The following PACRG variants were observed in gnomAD, a reference collection of about 807,000 sequenced individuals.
PACRG encodes parkin coregulated.
PACRG carries 29 observed loss-of-function variants against 29.7 expected under a neutral mutation model. The observed-to-expected ratio is 0.98, with a 90% CI of 0.73 to 1.33. The LOEUF is 1.33. Ranked by LOEUF, PACRG falls within the 40% of genes most tolerant of loss-of-function variation. The pLI is 0.00. For synonymous variants in PACRG, 116 were observed against 118.7 expected (o/e 0.98, Z 0.15); for missense variants, 279 against 316.2 (o/e 0.88, Z 0.89).
At chr6:162,974,180 C>CACACATTTTCAG in intron 2 of PACRG, among the ~76,000 whole-genome samples, 2 of 152,194 alleles carry the variant, frequency 1.3e-5, no homozygotes, top group African/African-American at 4.8e-5. Context: ...TTCAACACAG[C>CACACATTTTCAG]TGTCCTTTCT....
At chr6:162,995,092 GC>G (rs1300185649) in intron 2 of PACRG, among the ~76,000 whole-genome samples, 1 of 151,096 alleles carries the variant, frequency 6.6e-6, no homozygotes, top group East Asian at 1.9e-4. Flanking sequence ...GAGGCAGTCC[GC>G]CCGTTCTCAG....
chr6:162,975,950 C>G (rs76838146), intron 2 of PACRG, among the ~76,000 whole-genome samples: 1,647 of 152,182 alleles, frequency 0.011, 20 homozygotes, highest in African/African-American at 0.037. Context: ...ATTTGCACAT[C>G]CAGTGAGGCG....
intron 1 of PACRG, among the ~76,000 whole-genome samples, chr6:162,774,578 A>G (rs1044019398): frequency 6.6e-6 from 1 of 152,184 alleles, no homozygotes; most frequent in Admixed American, 6.5e-5. Flanking sequence ...TATTAACAAG[A>G]TAATCATTTT....
At chr6:162,950,405 G>A (rs535727468) in intron 2 of PACRG, among the ~76,000 whole-genome samples, 1 of 152,288 alleles carries the variant, frequency 6.6e-6, no homozygotes, top group African/African-American at 2.4e-5. Flanking sequence ...CTACTTGGGA[G>A]GCTGAGGCAG....
At chr6:162,875,216 C>G (rs1202184564) in intron 2 of PACRG, among the ~76,000 whole-genome samples, 1 of 151,780 alleles carries the variant, frequency 6.6e-6, no homozygotes, top group African/African-American at 2.4e-5. Flanking sequence ...TTCACACACA[C>G]ACATGCACAC....
chr6:162,925,652 C>T (rs1296846440), intron 2 of PACRG, among the ~76,000 whole-genome samples: 1 of 152,042 alleles, frequency 6.6e-6, no homozygotes, highest in Non-Finnish European at 1.5e-5. Context: ...GTTGATAGAA[C>T]GTATCTCAAA....
intron 2 of PACRG, among the ~76,000 whole-genome samples, chr6:162,906,785 C>G (rs1248832188): frequency 6.6e-5 from 10 of 152,306 alleles, no homozygotes; most frequent in Admixed American, 5.2e-4. Context: ...ACATCCATTA[C>G]TAGCTTTCAT....
chr6:163,115,678 G>A (rs1815952723), intron 4 of PACRG, among the ~76,000 whole-genome samples: 1 of 152,166 alleles, frequency 6.6e-6, no homozygotes, highest in Non-Finnish European at 1.5e-5. Context: ...TGTGAAGTCA[G>A]CATGCATCTA....
chr6:162,989,653 T>G (rs902211183), intron 2 of PACRG, among the ~76,000 whole-genome samples: 11 of 151,868 alleles, frequency 7.2e-5, no homozygotes, highest in Admixed American at 2.0e-4. Flanking sequence ...ATGAATATTT[T>G]CAATCCTTGG....
At chr6:162,989,722 C>CTTT (rs66497763) in intron 2 of PACRG, among the ~76,000 whole-genome samples, 1 of 142,040 alleles carries the variant, frequency 7.0e-6, no homozygotes. Flanking sequence ...TCAGTACTTC[C>CTTT]TTTTTTTTTT....
intron 4 of PACRG, chr6:163,166,060 A>G (rs1159959642): frequency 4.4e-6 from 2 of 455,456 alleles, no homozygotes; most frequent in East Asian, 7.0e-5. Context: ...GTGTAATGAA[A>G]GACAGATGCA....
chr6:162,798,326 AT>A (rs1280570771), intron 1 of PACRG, among the ~76,000 whole-genome samples: 4 of 152,082 alleles, frequency 2.6e-5, no homozygotes, highest in Non-Finnish European at 5.9e-5. Flanking sequence ...ATTTATACTC[AT>A]TTTTGCAAAC....
intron 1 of PACRG, among the ~76,000 whole-genome samples, chr6:162,739,552 A>AC (rs1197165366): frequency 6.6e-6 from 1 of 152,142 alleles, no homozygotes; most frequent in Admixed American, 6.5e-5. Context: ...GTTTTTAAAA[A>AC]ATTTTTGTCG....
At chr6:163,177,609 T>A (rs1228296782) in intron 4 of PACRG, among the ~76,000 whole-genome samples, 1 of 148,930 alleles carries the variant, frequency 6.7e-6, no homozygotes, top group African/African-American at 2.5e-5. Context: ...AGGGCCAAGG[T>A]GTGGCCTGGG....
chr6:163,304,535 G>T (rs1785124065), intron 4 of PACRG, among the ~76,000 whole-genome samples: 1 of 152,150 alleles, frequency 6.6e-6, no homozygotes, highest in South Asian at 2.1e-4. Flanking sequence ...ATCTATTAAG[G>T]GTTTTAGAGT....
In PACRG at chr6:162,777,547, T is replaced by C. The variant is rs563300095; in HGVS notation, c.157-36600T>C. ...TTGGATTTGGTCATGGTGCTATTTA[T>C]TGTTATTATTAATTATTAGTTTTTT... On this transcript the variant is annotated intron_variant, in intron 1 of 4. Coordinates refer to ENST00000366888, the MANE Select transcript of PACRG (RefSeq NM_001080379.2). This position sits in a 1 kb window ranked among gnomAD's most constrained non-coding sequence, Gnocchi z 4.0. 5.3e-5 allele frequency among the ~76,000 whole-genome samples: 8 copies of C among 152,314 alleles called. No homozygotes were observed. In the South Asian group the frequency reaches 1.7e-3, roughly 32 times the overall value.
At chr6:163,107,709 T>C (rs186685933) in intron 4 of PACRG, among the ~76,000 whole-genome samples, 38 of 152,302 alleles carry the variant, frequency 2.5e-4, no homozygotes, top group African/African-American at 9.1e-4. Flanking sequence ...ATGTATTGAT[T>C]TTCAACAATA....
chr6:162,748,350 A>G (rs1562558213), intron 1 of PACRG, among the ~76,000 whole-genome samples: 1 of 152,036 alleles, frequency 6.6e-6, no homozygotes, highest in South Asian at 2.1e-4. Flanking sequence ...AAAATTAGCC[A>G]GGCGTGGTGG....
In PACRG at chr6:163,097,939, T is replaced by A. The variant is rs535803517; in HGVS notation, c.613+8531T>A. On this transcript the variant is annotated intron_variant, in intron 4 of 4. Transcript: ENST00000366888. Reference sequence around the variant, plus strand: ...CTATTATGTTAATAGAGATTCTTTATAGACACAACTTTCTCCCCACTAAAA... The same window carrying A: ...CTATTATGTTAATAGAGATTCTTTAAAGACACAACTTTCTCCCCACTAAAA... 1.4e-3 allele frequency among the ~76,000 whole-genome samples: 217 copies of A among 152,336 alleles called. 1 individual carries two copies. The highest frequency in any genetic ancestry group is 4.6e-3 in the African/African-American group (192 of 41,580).
Sources: allele counts gnomAD v4.1 joint callset (sites outside exome capture counted in the v4.1 genomes callset), GRCh38; gene constraint gnomAD v4.1.1; non-coding constraint Gnocchi (gnomAD v3.1); transcripts MANE v1.5; gene names NCBI Gene and HGNC (gene_info 2026-07-23, HGNC 2026-07-21).